The following PDLIM2 variants were observed in gnomAD, a reference collection of about 807,000 sequenced individuals.
PDLIM2 encodes the protein PDZ and LIM domain protein 2.
Under a neutral mutation model 54.1 loss-of-function variants are expected in PDLIM2, and 51 were observed. The observed-to-expected ratio is 0.94, with a 90% CI of 0.75 to 1.19. PDLIM2 has a LOEUF of 1.19. Among genes scored for constraint, PDLIM2 ranks in the 50% most tolerant of loss-of-function variants. PDLIM2 has a pLI of 0.00. For synonymous variants in PDLIM2, 398 were observed against 385.6 expected, an observed-to-expected ratio of 1.03 and a Z score of -0.38; for missense variants, 912 against 874.0, an observed-to-expected ratio of 1.04 and a Z score of -0.55.
At chr8:22,579,374 C>G (rs571008530) in exon 1 of PDLIM2, 1 of 1,491,836 alleles carries the variant, frequency 6.7e-7, no homozygotes, top group African/African-American at 1.5e-5. Context: ...GCGAGCTGCG[C>G]TCTCCCCGGC....
intron 3 of PDLIM2, among the ~76,000 whole-genome samples, chr8:22,582,739 G>A (rs1052431227): frequency 1.3e-4 from 20 of 151,704 alleles, no homozygotes; most frequent in Non-Finnish European, 2.5e-4. Context: ...GTGCCACCAC[G>A]CCCAGCTAAT....
chr8:22,589,227 G>A (rs1295187837), intron 6 of PDLIM2, 71 bp from the exon 6 acceptor site: 5 of 1,491,962 alleles, frequency 3.4e-6, no homozygotes, highest in Non-Finnish European at 4.5e-6. Context: ...GAACAGCCGG[G>A]CTAGGCCCTC....
chr8:22,584,929 A>ATGCTG, intron 4 of PDLIM2, 39 bp downstream of exon 3: 1 of 1,613,792 alleles, frequency 6.2e-7, no homozygotes, highest in Non-Finnish European at 8.5e-7. Flanking sequence ...CAGCACCCTG[A>ATGCTG]TCACTGGTGC....
At chr8:22,594,339 G>A (rs1031482842), downstream of PDLIM2, 5 of 1,454,988 alleles carry the variant, frequency 3.4e-6, no homozygotes, top group Non-Finnish European at 4.5e-6. Flanking sequence ...CCAGCCCTGG[G>A]TATGACCTGC....
chr8:22,584,974 C>T lies in PDLIM2; in HGVS notation c.1066-43C>T, dbSNP rs376157571. The T allele has an allele frequency of 1.6e-5, 26 of 1,612,908 alleles. No homozygotes were observed. The East Asian group carries it at 2.5e-4, about 15-fold the overall frequency. On this transcript the variant is annotated intron_variant, in intron 4 of 9. Coordinates refer to ENST00000308354, the Ensembl canonical transcript of PDLIM2. ...AGGCCCGAGGGCAGGGCGGCCTTGG[C>T]GGGGCAGCCCTGCCTTTCCTGACAC...
chr8:22,580,313 G>A (rs1362992374), intron 1 of PDLIM2, 162 bp from the exon 1 acceptor site: 6 of 515,550 alleles, frequency 1.2e-5, no homozygotes, highest in African/African-American at 3.9e-5. Context: ...CCATGCTCCA[G>A]CAAGCCCCCT....
chr8:22,593,053 T>G (rs1021785434), intron 9 of PDLIM2: 3 of 152,664 alleles, frequency 2.0e-5, no homozygotes, highest in Non-Finnish European at 4.4e-5. Flanking sequence ...TTTAAATTTT[T>G]TGTAGAGATG....
downstream of PDLIM2, chr8:22,594,887 C>T (rs1161329814): frequency 1.9e-5 from 9 of 470,660 alleles, no homozygotes; most frequent in Non-Finnish European, 3.3e-5. Flanking sequence ...GATCATGCCA[C>T]TGCATTCCAG....
chr8:22,583,548 C>T (rs915549827), intron 3 of PDLIM2, among the ~76,000 whole-genome samples: 1 of 152,148 alleles, frequency 6.6e-6, no homozygotes, highest in African/African-American at 2.4e-5. Context: ...GGCGGATCAC[C>T]TGAGGTCAGG....
downstream of PDLIM2, chr8:22,594,487 C>T (rs1378227666): frequency 1.9e-6 from 3 of 1,613,160 alleles, no homozygotes; most frequent in Non-Finnish European, 8.5e-7. Flanking sequence ...GGTTGGGAGT[C>T]ATGTCATTCC....
exon 5 of PDLIM2, chr8:22,585,079 C>T (rs191474506): frequency 1.1e-5 from 17 of 1,614,036 alleles, no homozygotes; most frequent in East Asian, 8.9e-5. Flanking sequence ...CCAGCCCAAC[C>T]TCCCTCAGCC....
At chr8:22,585,432 A>C in intron 6 of PDLIM2, 33 bp downstream of exon 5, 1 of 1,572,552 alleles carries the variant, frequency 6.4e-7, no homozygotes, top group South Asian at 1.1e-5. Context: ...AGGCTGGAGG[A>C]ACAGAAGCAC....
downstream of PDLIM2, chr8:22,597,961 G>A (rs11785106): frequency 2.0e-5 from 3 of 152,314 alleles, no homozygotes; most frequent in Non-Finnish European, 2.9e-5. Context: ...GCTGTCATTC[G>A]GCTGGCCTGC....
intron 3 of PDLIM2, among the ~76,000 whole-genome samples, chr8:22,584,111 C>A (rs1167824296): frequency 4.6e-5 from 7 of 151,826 alleles, no homozygotes; most frequent in Admixed American, 2.6e-4. Context: ...AAGCAATTCT[C>A]CTGCCTCAGC....
At chr8:22,582,784 G>A (rs1330350772) in intron 3 of PDLIM2, among the ~76,000 whole-genome samples, 1 of 151,788 alleles carries the variant, frequency 6.6e-6, no homozygotes, top group Non-Finnish European at 1.5e-5. Flanking sequence ...GTTTCACCAC[G>A]TTGGCCAGGA....
In PDLIM2 at chr8:22,593,723, T is replaced by C; in HGVS notation, c.1632-10T>C. On this transcript the variant is annotated splice_polypyrimidine_tract_variant and intron_variant, in intron 9 of 9. Transcript: ENST00000308354. ...GTGGCTCTGAGCTAAAGCCTCTCCC[T>C]CCCCTTCAGGAACCAGGCTGTGCGC... is the stretch of plus-strand genomic sequence containing the variant. The C allele has an allele frequency of 1.3e-6, 2 of 1,567,120 alleles. No individual in the cohort carries two copies. The highest frequency in any genetic ancestry group is 1.7e-6 in the Non-Finnish European group (2 of 1,156,482).
intron 2 of PDLIM2, chr8:22,581,092 G>A (rs761443358): frequency 4.3e-5 from 29 of 681,126 alleles, no homozygotes; most frequent in South Asian, 3.0e-5. Context: ...CGATTTGCAC[G>A]GGCAAGGCTC....
At chr8:22,580,429 C>G in intron 1 of PDLIM2, 46 bp from the exon 1 acceptor site, 1 of 1,420,208 alleles carries the variant, frequency 7.0e-7, no homozygotes, top group Non-Finnish European at 9.3e-7. Context: ...GAAGTGAAAC[C>G]GGGCTGAGGG....
At chr8:22,589,620 C>T (rs761640055) in exon 8 of PDLIM2, 70 of 1,601,364 alleles carry the variant, frequency 4.4e-5, no homozygotes, top group African/African-American at 8.0e-5. Context: ...GGGGAAGCCT[C>T]CTCCTGGACG....
Sources: allele counts gnomAD v4.1 joint callset (sites outside exome capture counted in the v4.1 genomes callset), GRCh38; gene constraint gnomAD v4.1.1; transcripts MANE v1.5; gene names NCBI Gene and HGNC (gene_info 2026-07-23, HGNC 2026-07-21).